The following TAB2 variants were observed in gnomAD, a reference collection of about 807,000 sequenced individuals.
TAB2 encodes TGF-beta activated kinase 1 (MAP3K7) binding protein 2.
TAB2 carries 3 observed loss-of-function variants against 65.0 expected under a neutral mutation model. The ratio of observed to expected loss-of-function variants is 0.05; its 90% confidence interval spans 0.02 to 0.12. The LOEUF is 0.12. Ranked by LOEUF, TAB2 falls within the 10% of genes least tolerant of loss-of-function variation. The pLI is 1.00. For synonymous variants in TAB2, 298 were observed against 285.1 expected (o/e 1.05, Z -0.46); for missense variants, 623 against 840.3 (o/e 0.74, Z 3.20).
At chr6:149,230,040 G>C (rs990684153) in intron 1 of TAB2, 2 of 152,172 alleles carry the variant, frequency 1.3e-5, no homozygotes, top group African/African-American at 4.8e-5. Flanking sequence ...AAGTTCAGTT[G>C]AATGTCAAAA....
At chr6:149,400,614 C>G in intron 6 of TAB2, 1 of 1,614,178 alleles carries the variant, frequency 6.2e-7, no homozygotes, top group South Asian at 1.1e-5. Flanking sequence ...CAAACCTGCA[C>G]AGTTGGAAAT....
intron 1 of TAB2, among the ~76,000 whole-genome samples, chr6:149,353,094 T>C (rs867887120): frequency 1.3e-5 from 2 of 152,176 alleles, no homozygotes; most frequent in Admixed American, 6.5e-5. Flanking sequence ...CCCATCACAG[T>C]TACTGGTGGA....
intron 1 of TAB2, among the ~76,000 whole-genome samples, chr6:149,249,841 T>C (rs1777823752): frequency 6.6e-6 from 1 of 152,206 alleles, no homozygotes; most frequent in Admixed American, 6.5e-5. Flanking sequence ...GTTCAAGAGA[T>C]GGATAGACAA....
chr6:149,259,341 ACACACAC>A (rs1778105210), intron 1 of TAB2, among the ~76,000 whole-genome samples: 1 of 75,038 alleles, frequency 1.3e-5, no homozygotes, highest in East Asian at 4.1e-4. Context: ...CTCTACACAC[ACACACAC>A]ACACACACAC....
Position 149,378,174 on chromosome 6 carries a change from A to C in TAB2, c.259A>C (p.Ile87Leu), listed in dbSNP as rs755555012. ...CAACTTGGACTTGCAATCACAGAAC[A>C]TTTACCACCATGGAAGAGAAGGAAG... ...SLNLDLQSQN[I>L]YHHGREGSRM... Residue 87 changes from isoleucine (I) to leucine (L), a missense_variant, in exon 3 of 7, where the codon ATT (isoleucine) becomes CTT (leucine). Physicochemically the swap from Ile to Leu is conservative, Grantham distance 5 (BLOSUM62 2). Coordinates refer to ENST00000637181, the MANE Select transcript of TAB2 (RefSeq NM_001292034.3). 21 of 1,614,082 alleles carry C rather than the reference A, an allele frequency of 1.3e-5. No individual in the cohort carries two copies. The East Asian group carries it at 4.7e-4, about 36-fold the overall frequency.
At chr6:149,409,404 C>G (rs1329687057) in intron 6 of TAB2, among the ~76,000 whole-genome samples, 173 bp from the exon 7 acceptor site, 1 of 152,078 alleles carries the variant, frequency 6.6e-6, no homozygotes, top group Admixed American at 6.5e-5. Context: ...GGGAGAAGTG[C>G]CAACTAGATA....
chr6:149,268,996 C>T (rs1382826494), intron 1 of TAB2, among the ~76,000 whole-genome samples: 1 of 152,162 alleles, frequency 6.6e-6, no homozygotes, highest in East Asian at 1.9e-4. Context: ...ACAAGGGGCT[C>T]CTGCTGTGGA....
At chr6:149,285,670 A>G (rs1639507153) in intron 1 of TAB2, among the ~76,000 whole-genome samples, 1 of 152,230 alleles carries the variant, frequency 6.6e-6, no homozygotes, top group South Asian at 2.1e-4. Context: ...AAGGCGCGTA[A>G]GAGAGAAAAA....
At chr6:149,253,994 GAAAGAAAGAAAGAAAGAAAGAAAGAAAGA>G (rs2114658769) in intron 1 of TAB2, among the ~76,000 whole-genome samples, 2 of 139,576 alleles carry the variant, frequency 1.4e-5, no homozygotes, top group South Asian at 4.6e-4. Flanking sequence ...AAGAAAGAAA[GAAAGAAAGAAAGAAAGAAAGAAAGAAAGA>G]AAAGAAAGAA....
chr6:149,388,929 A>C (rs1411694144), intron 3 of TAB2, among the ~76,000 whole-genome samples: 10 of 146,568 alleles, frequency 6.8e-5, no homozygotes, highest in Admixed American at 6.8e-4. Context: ...ATATTCCAAG[A>C]TTTTGAAAAA....
chr6:149,309,154 G>A (rs9498315), intron 1 of TAB2, among the ~76,000 whole-genome samples: 10,997 of 151,718 alleles, frequency 0.072, 461 homozygotes, highest in East Asian at 0.15. Context: ...AGTAAAAATC[G>A]ATATATTCCT....
Position 149,379,167 on chromosome 6 carries a change from G to C in TAB2, c.1252G>C (p.Ala418Pro). The change falls in exon 3 of 7, where the codon GCC becomes CCC. Residue 418 changes from alanine (A) to proline (P), a missense_variant. By Grantham distance (27) the Ala-to-Pro change is conservative. Coordinates refer to ENST00000637181, the MANE Select transcript of TAB2 (RefSeq NM_001292034.3). Reference sequence around the variant, plus strand: ...ATCCACAAACTCTGGAGCATCTGCTGCCTCCAGGAACATGTCTGGGCAAGT... The same window carrying C: ...ATCCACAAACTCTGGAGCATCTGCTCCCTCCAGGAACATGTCTGGGCAAGT... ...FISTNSGASA[A>P]SRNMSGQVSM... 6.2e-7 allele frequency: 1 copy of C among 1,614,238 alleles called. No individual in the cohort carries two copies. Among genetic ancestry groups the C allele is most frequent in the Non-Finnish European group, 8.5e-7 (1 of 1,180,046 alleles).
chr6:149,305,899 T>C (rs2114707335), intron 1 of TAB2, among the ~76,000 whole-genome samples: 1 of 152,338 alleles, frequency 6.6e-6, no homozygotes, highest in East Asian at 1.9e-4. Context: ...TTTTGTGAAT[T>C]CTTCTAGTCA....
intron 1 of TAB2, among the ~76,000 whole-genome samples, chr6:149,278,198 C>A (rs1778512369): frequency 6.6e-6 from 1 of 152,074 alleles, no homozygotes; most frequent in Non-Finnish European, 1.5e-5. Context: ...TTATTTGTAC[C>A]TGTTGTAATA....
upstream of TAB2, among the ~76,000 whole-genome samples, chr6:149,314,968 T>C (rs946613063): frequency 6.6e-6 from 1 of 152,040 alleles, no homozygotes; most frequent in Non-Finnish European, 1.5e-5. Flanking sequence ...AGACACTGAA[T>C]ATTTACTGAA....
chr6:149,329,137 A>G (rs1451101668), intron 1 of TAB2, among the ~76,000 whole-genome samples: 1 of 152,216 alleles, frequency 6.6e-6, no homozygotes, highest in African/African-American at 2.4e-5. Flanking sequence ...ATTTAACTTC[A>G]TCCTTCAAAT....
intron 3 of TAB2, among the ~76,000 whole-genome samples, chr6:149,382,854 C>G (rs1284738938): frequency 6.6e-6 from 1 of 151,786 alleles, no homozygotes; most frequent in Non-Finnish European, 1.5e-5. Context: ...TAGATAACAA[C>G]AAGTAGAAAT....
chr6:149,269,858 G>A (rs1282310255), intron 1 of TAB2, among the ~76,000 whole-genome samples: 1 of 152,154 alleles, frequency 6.6e-6, no homozygotes, highest in Non-Finnish European at 1.5e-5. Flanking sequence ...GTGACATTTG[G>A]TTGTTTCCAG....
chr6:149,251,462 C>T (rs1777859339), intron 1 of TAB2, among the ~76,000 whole-genome samples: 1 of 152,142 alleles, frequency 6.6e-6, no homozygotes, highest in Admixed American at 6.5e-5. Context: ...AAGAGATTTG[C>T]TTTTTCAATA....
Sources: allele counts gnomAD v4.1 joint callset (sites outside exome capture counted in the v4.1 genomes callset), GRCh38; gene constraint gnomAD v4.1.1; transcripts MANE v1.5; gene names NCBI Gene and HGNC (gene_info 2026-07-23, HGNC 2026-07-21).